The following ERBB4 variants were observed in gnomAD, a reference collection of about 807,000 sequenced individuals.
ERBB4 encodes erb-b2 receptor tyrosine kinase 4, also known as receptor tyrosine-protein kinase erbB-4.
A neutral mutation model predicts 158.0 loss-of-function variants in ERBB4; 42 were observed. That is an observed-to-expected ratio of 0.27 (90% CI 0.21 to 0.34). ERBB4 has a LOEUF of 0.34. ERBB4 is among the 10% of genes least tolerant of loss of function. The probability of loss-of-function intolerance (pLI) is 1.00; values close to 1 mark genes in which losing one functional copy is unlikely to be tolerated. For synonymous variants in ERBB4, 583 were observed against 558.7 expected (o/e 1.04, Z -0.61); for missense variants, 1,333 against 1,624.1 (o/e 0.82, Z 3.08).
intron 2 of ERBB4, among the ~76,000 whole-genome samples, chr2:211,987,198 G>A (rs2081959326): frequency 6.6e-6 from 1 of 151,832 alleles, no homozygotes; most frequent in South Asian, 2.1e-4. Flanking sequence ...GCAGATGCCT[G>A]TAGTCCCAGC....
chr2:211,811,373 C>T (rs974486484), intron 3 of ERBB4, among the ~76,000 whole-genome samples: 7 of 152,096 alleles, frequency 4.6e-5, no homozygotes, highest in African/African-American at 1.4e-4. Flanking sequence ...GAGTTTCTCC[C>T]GAGAGATCCG....
At chr2:211,699,240 T>C (rs753310222) in intron 12 of ERBB4, among the ~76,000 whole-genome samples, 42 of 152,208 alleles carry the variant, frequency 2.8e-4, no homozygotes, top group Non-Finnish European at 5.6e-4. Flanking sequence ...GTGTGTTGTA[T>C]GTGGAACTAC....
At chr2:211,864,245 A>C (rs1219823239) in intron 3 of ERBB4, among the ~76,000 whole-genome samples, 1 of 152,082 alleles carries the variant, frequency 6.6e-6, no homozygotes, top group East Asian at 1.9e-4. Flanking sequence ...TATCTCCTCT[A>C]TCCTTCCATC....
chr2:212,287,748 C>T (rs545430790), intron 1 of ERBB4, among the ~76,000 whole-genome samples: 3 of 152,304 alleles, frequency 2.0e-5, no homozygotes, highest in African/African-American at 7.2e-5. Context: ...AAAAGAACGA[C>T]ATTATGTCCT....
chr2:211,698,390 A>T, intron 12 of ERBB4, among the ~76,000 whole-genome samples: 1 of 151,774 alleles, frequency 6.6e-6, no homozygotes, highest in East Asian at 1.9e-4. Flanking sequence ...CTTATACTAT[A>T]TTAAGTATAA....
chr2:212,009,589 A>C (rs2076337079), intron 2 of ERBB4, among the ~76,000 whole-genome samples: 1 of 152,174 alleles, frequency 6.6e-6, no homozygotes, highest in African/African-American at 2.4e-5. Flanking sequence ...ATAGCTACCA[A>C]ATCAAAACCA....
chr2:212,454,082 A>G (rs1688149661), intron 1 of ERBB4, among the ~76,000 whole-genome samples: 1 of 152,108 alleles, frequency 6.6e-6, no homozygotes, highest in Admixed American at 6.6e-5. Flanking sequence ...CTGGGACTAC[A>G]GGCATGCACC....
At chr2:212,166,981 T>C (rs1233052214) in intron 1 of ERBB4, among the ~76,000 whole-genome samples, 1 of 151,998 alleles carries the variant, frequency 6.6e-6, no homozygotes, top group African/African-American at 2.4e-5. Flanking sequence ...CCCCAAACCA[T>C]AAAAACCCTA....
rs112323029 is a variant in ERBB4, at chr2:212,478,395, C to G, written c.82+60054G>C. On this transcript the variant is annotated intron_variant, in intron 1 of 27. Coordinates refer to ENST00000342788, the MANE Select transcript of ERBB4 (RefSeq NM_005235.3). The stretch of plus-strand genomic sequence containing the variant: ...GATTCTCTTTCAGCTATTTGAACTA[C>G]GAAATCCCAAAGAAAGTTGAAAATA... 1.5e-3 allele frequency among the ~76,000 whole-genome samples: 223 copies of G among 151,958 alleles called. 2 individuals are homozygous for G. The highest frequency in any genetic ancestry group is 6.8e-3 in the Middle Eastern group (2 of 294).
At chr2:212,056,671 C>G (rs559508813) in intron 2 of ERBB4, among the ~76,000 whole-genome samples, 1 of 152,116 alleles carries the variant, frequency 6.6e-6, no homozygotes. Flanking sequence ...TCATATCCAG[C>G]CAAACTGAGC....
At chr2:212,443,570 C>T (rs542555094) in intron 1 of ERBB4, among the ~76,000 whole-genome samples, 1 of 152,310 alleles carries the variant, frequency 6.6e-6, no homozygotes, top group African/African-American at 2.4e-5. Context: ...GGGTGTGTTA[C>T]TCCGGCCAAT....
intron 12 of ERBB4, among the ~76,000 whole-genome samples, chr2:211,680,706 G>A (rs1409021856): frequency 6.6e-6 from 1 of 152,074 alleles, no homozygotes; most frequent in Non-Finnish European, 1.5e-5. Flanking sequence ...TCTATATCCT[G>A]GGGTTATTAA....
At chr2:211,427,063 T>G (rs1292618844) in intron 22 of ERBB4, among the ~76,000 whole-genome samples, 1 of 152,058 alleles carries the variant, frequency 6.6e-6, no homozygotes, top group Non-Finnish European at 1.5e-5. Context: ...AATAAACACA[T>G]GAAACCTTCA....
intron 3 of ERBB4, among the ~76,000 whole-genome samples, chr2:211,839,092 C>A (rs1227749369): frequency 8.5e-6 from 1 of 117,850 alleles, no homozygotes; most frequent in Non-Finnish European, 1.8e-5. Flanking sequence ...TCCCAATAAA[C>A]AAAGAAGCAA....
intron 7 of ERBB4, among the ~76,000 whole-genome samples, chr2:211,716,362 CAAAAAA>C (rs534486221): frequency 1.4e-4 from 10 of 69,286 alleles, no homozygotes; most frequent in South Asian, 9.6e-4. Flanking sequence ...AACTCTGTCT[CAAAAAA>C]AAAAAAAAAA....
At chr2:211,767,200 A>C (rs1284740149) in intron 4 of ERBB4, among the ~76,000 whole-genome samples, 1 of 152,178 alleles carries the variant, frequency 6.6e-6, no homozygotes, top group Non-Finnish European at 1.5e-5. Flanking sequence ...TTCTTTGTTC[A>C]AAACACCAAG....
chr2:212,247,126 A>C (rs903939665), intron 1 of ERBB4, among the ~76,000 whole-genome samples: 5 of 152,226 alleles, frequency 3.3e-5, no homozygotes, highest in African/African-American at 1.2e-4. Context: ...TGATAGTTTG[A>C]GAAAAGGCAA....
chr2:211,861,328 T>G (rs1394982553), intron 3 of ERBB4, among the ~76,000 whole-genome samples: 12 of 78,884 alleles, frequency 1.5e-4, no homozygotes, highest in Admixed American at 3.3e-4. Flanking sequence ...TCCAGGCGTG[T>G]TTTTTTTTTT....
chr2:211,867,512 A>G (rs2078239395), intron 3 of ERBB4, among the ~76,000 whole-genome samples: 1 of 152,240 alleles, frequency 6.6e-6, no homozygotes, highest in Middle Eastern at 3.2e-3. Flanking sequence ...TGGCATGAAT[A>G]TCAAAAATGG....
Sources: gnomAD v4.1 joint callset for allele counts (sites outside exome capture counted in the v4.1 genomes callset) on GRCh38, gnomAD v4.1.1 for gene constraint, MANE v1.5 for transcripts, NCBI Gene and HGNC (gene_info 2026-07-23, HGNC 2026-07-21) for gene names.